Variants in FECH observed in about 807,000 individuals in gnomAD.
The protein encoded by FECH is ferrochelatase, also known as ferrochelatase, mitochondrial.
FECH carries 40 observed loss-of-function variants against 56.9 expected under a neutral mutation model. That is an observed-to-expected ratio of 0.70 (90% CI 0.55 to 0.92). The LOEUF is 0.92. FECH is among the 40% of genes least tolerant of loss of function. The probability of loss-of-function intolerance (pLI) is 0.00; values close to 1 mark genes in which losing one functional copy is unlikely to be tolerated. For missense variants in FECH, 431 were observed against 529.1 expected (o/e 0.81, Z 1.82); for synonymous variants, 175 against 198.6 (o/e 0.88, Z 1.00).
rs1257707314 is a variant in FECH, at chr18:57,550,597, A to G, written c.*115T>C. 6 of 1,330,868 alleles carry G rather than the reference A, an allele frequency of 4.5e-6. No homozygotes were observed. The African/African-American group carries it at 5.7e-5, about 13-fold the overall frequency. The allele number at this position is 1,330,868 out of a possible 1,614,324, so 82.4% of individuals were successfully genotyped here. A position where few individuals can be genotyped will look rare whatever the true frequency, so the allele number is the denominator to read the frequency against. On this transcript the variant is annotated 3_prime_UTR_variant, in exon 11 of 11. Transcript: ENST00000262093. ...CACACAATTTGTACCCAAAGGCTGT[A>G]TATATATCAAGGAAGGATGACTTCC...
chr18:57,562,799 A>G, intron 6 of FECH, 75 bp downstream of exon 6: 1 of 1,176,828 alleles, frequency 8.5e-7, no homozygotes, highest in Non-Finnish European at 1.3e-6. Flanking sequence ...AAGGACATCC[A>G]CAAACCCAGA....
rs148512778 is a variant in FECH, at chr18:57,554,286, C to T, written c.1051G>A (p.Glu351Lys). 43 of 1,614,178 alleles carry T rather than the reference C, an allele frequency of 2.7e-5. No individual in the cohort carries two copies. The African/African-American group carries it at 4.7e-4, about 18-fold the overall frequency. The change falls in exon 9 of 11, where the codon GAG (glutamate) becomes AAG (lysine). Residue 351 changes from glutamate to lysine, a missense_variant. Coordinates refer to ENST00000262093, the MANE Select transcript of FECH (RefSeq NM_000140.5). The part of the protein sequence containing the change: ...HIETLYELDI[E>K]YSQVLAKECG... The stretch of plus-strand genomic sequence containing the variant: ...TCCTTGGCTAAAACTTGAGAGTACT[C>T]GATGTCCAGCTCATACAGCGTTTCA...
chr18:57,566,654 T>C, intron 4 of FECH, 73 bp from the exon 5 acceptor site: 16 of 1,559,866 alleles, frequency 1.0e-5, no homozygotes, highest in Non-Finnish European at 1.3e-5. Flanking sequence ...ACAAACATAA[T>C]GCAATGCCCA....
Position 57,551,377 on chromosome 18 carries a change from G to A in FECH, c.1078-3C>T. 3 of 1,610,720 alleles carry A rather than the reference G, an allele frequency of 1.9e-6. No homozygotes were observed. Among genetic ancestry groups the A allele is most frequent in the Non-Finnish European group, 2.5e-6 (3 of 1,177,308 alleles). Reference sequence around the variant, plus strand: ...CTTCTGATGTTTTCAACTCCACACTGAATCAAATGAGAAAAGGGAGGAAAA... The same window carrying A: ...CTTCTGATGTTTTCAACTCCACACTAAATCAAATGAGAAAAGGGAGGAAAA... On this transcript the variant is annotated splice_region_variant and splice_polypyrimidine_tract_variant and intron_variant, in intron 9 of 10. Transcript: ENST00000262093.
At position 57,546,139 on chromosome 18, in the gene FECH, G is replaced by GT. The variant is rs1204125364; in HGVS notation, c.*4572dup. Among the ~76,000 whole-genome samples, 1 of 152,122 alleles carries GT rather than the reference G, an allele frequency of 6.6e-6. No homozygotes were observed. The highest frequency in any genetic ancestry group is 2.4e-5 in the African/African-American group (1 of 41,404). The stretch of plus-strand genomic sequence containing the variant: ...AATGAATTTCCCATTTCCACCTAAC[G>GT]TTAGGAGCCCTGTTCCTGGGCCACC... On this transcript the variant is annotated 3_prime_UTR_variant, in exon 11 of 11. Coordinates refer to ENST00000262093, the MANE Select transcript of FECH (RefSeq NM_000140.5).
At chr18:57,575,924 T>G (rs1468379136) in intron 2 of FECH, among the ~76,000 whole-genome samples, 3 of 152,194 alleles carry the variant, frequency 2.0e-5, no homozygotes, top group African/African-American at 7.2e-5. Context: ...AGGAGAAATA[T>G]GGCATTACAA....
At chr18:57,571,609 C>G in intron 3 of FECH, 69 bp from the exon 4 acceptor site, 1 of 1,610,178 alleles carries the variant, frequency 6.2e-7, no homozygotes, top group Non-Finnish European at 8.5e-7. Context: ...GTTTTCTACT[C>G]AATAAAAAAG....
intron 7 of FECH, among the ~76,000 whole-genome samples, chr18:57,557,226 A>G (rs183617465): frequency 3.9e-5 from 6 of 152,282 alleles, no homozygotes; most frequent in Admixed American, 1.3e-4. Context: ...TACTCTTTTA[A>G]TCAGTTTTCT....
Position 57,547,471 on chromosome 18 carries a change from T to C in FECH, c.*3241A>G, listed in dbSNP as rs1312384149. Among the ~76,000 whole-genome samples, 1 of 152,124 alleles carries C rather than the reference T, an allele frequency of 6.6e-6. No individual in the cohort carries two copies. Among genetic ancestry groups the C allele is most frequent in the Middle Eastern group, 3.2e-3 (1 of 316 alleles). ...CCAGTTCTCACGAGATCTGATGGTT[T>C]TATAAGGGGGCTCTTCCCCTTTGCT... is the stretch of plus-strand genomic sequence containing the variant. On this transcript the variant is annotated 3_prime_UTR_variant, in exon 11 of 11. Coordinates refer to ENST00000262093, the MANE Select transcript of FECH (RefSeq NM_000140.5).
chr18:57,567,673 C>T (rs2051036285), intron 4 of FECH, among the ~76,000 whole-genome samples: 1 of 152,218 alleles, frequency 6.6e-6, no homozygotes, highest in Admixed American at 6.5e-5. Context: ...CCACAAGAAA[C>T]ATTTAGGTTA....
rs1042663862 is a variant in FECH, at chr18:57,547,087, T to G, written c.*3625A>C. Reference sequence around the variant, plus strand: ...TTTCTCCCATTTGGAATGGGAACATTTACCAATGTCTGTACTCCCATTGTA... The same window carrying G: ...TTTCTCCCATTTGGAATGGGAACATGTACCAATGTCTGTACTCCCATTGTA... On this transcript the variant is annotated 3_prime_UTR_variant, in exon 11 of 11. Coordinates refer to ENST00000262093, the MANE Select transcript of FECH (RefSeq NM_000140.5). Among the ~76,000 whole-genome samples the G allele has an allele frequency of 1.3e-5, 2 of 152,092 alleles. No homozygotes were observed. Among genetic ancestry groups the G allele is most frequent in the Non-Finnish European group, 2.9e-5 (2 of 68,006 alleles).
At chr18:57,581,849 A>T (rs1248919553) in intron 1 of FECH, among the ~76,000 whole-genome samples, 1 of 152,158 alleles carries the variant, frequency 6.6e-6, no homozygotes, top group African/African-American at 2.4e-5. Context: ...TAAGAGAATT[A>T]TATCTCCAGG....
chr18:57,558,491 G>A (rs985703731), intron 7 of FECH, among the ~76,000 whole-genome samples: 6 of 152,218 alleles, frequency 3.9e-5, no homozygotes, highest in Admixed American at 6.5e-5. Context: ...GAGAGCGCTT[G>A]TCTGAATGGA....
At chr18:57,583,553 G>A (rs1043795484) in intron 1 of FECH, among the ~76,000 whole-genome samples, 2 of 152,258 alleles carry the variant, frequency 1.3e-5, no homozygotes, top group African/African-American at 4.8e-5. Context: ...CACACTGCAT[G>A]TGGCTGAGCA....
In FECH at chr18:57,545,728, C is replaced by G. The variant is rs2050712489; in HGVS notation, c.*4984G>C. Among the ~76,000 whole-genome samples the G allele has an allele frequency of 6.6e-6, 1 of 152,028 alleles. No homozygotes were observed. The highest frequency in any genetic ancestry group is 2.1e-4 in the South Asian group (1 of 4,820). ...ATAGCTCTACACACTTTATATTTTG[C>G]AAAATACGTGCATATGGAAAAGAAG... On this transcript the variant is annotated 3_prime_UTR_variant, in exon 11 of 11. Transcript: ENST00000262093.
chr18:57,575,394 A>C (rs1189880824), intron 2 of FECH, among the ~76,000 whole-genome samples: 1 of 152,184 alleles, frequency 6.6e-6, no homozygotes, highest in African/African-American at 2.4e-5. Flanking sequence ...TGTATAGAGA[A>C]ACATTCTTTA....
chr18:57,586,120 GGCTTTCCTCA>G (rs1410106960), intron 1 of FECH: 3 of 181,442 alleles, frequency 1.7e-5, no homozygotes, highest in African/African-American at 7.2e-5. Flanking sequence ...AAGGACCATG[GGCTTTCCTCA>G]GCAGGGAGGG....
chr18:57,578,958 C>CAA (rs201597895), intron 2 of FECH, among the ~76,000 whole-genome samples: 3 of 139,258 alleles, frequency 2.2e-5, no homozygotes, highest in Non-Finnish European at 3.1e-5. Flanking sequence ...GACTCCCTCT[C>CAA]AAAAAAAAAA....
intron 3 of FECH, 146 bp from the exon 4 acceptor site, chr18:57,571,686 A>G: frequency 9.1e-7 from 1 of 1,093,162 alleles, no homozygotes; most frequent in Non-Finnish European, 1.3e-6. Context: ...GAGGTCATTG[A>G]CAATAGCCAG....
Sources: gnomAD v4.1 joint callset for allele counts (sites outside exome capture counted in the v4.1 genomes callset) on GRCh38, gnomAD v4.1.1 for gene constraint, MANE v1.5 for transcripts, NCBI Gene and HGNC (gene_info 2026-07-23, HGNC 2026-07-21) for gene names.